The following NHSL2 variants were observed in gnomAD, a reference collection of about 807,000 sequenced individuals.
The protein encoded by NHSL2 is NHS like 2.
A neutral mutation model predicts 53.4 loss-of-function variants in NHSL2; 27 were observed. The ratio of observed to expected loss-of-function variants is 0.51; its 90% CI spans 0.37 to 0.70. The LOEUF is 0.70. Among genes scored for constraint, NHSL2 ranks in the 30% least tolerant of loss-of-function variants. The pLI is 0.00. For synonymous variants in NHSL2, 408 were observed against 404.1 expected, an observed-to-expected ratio of 1.01 and a Z score of -0.12; for missense variants, 892 against 980.1, an observed-to-expected ratio of 0.91 and a Z score of 1.20.
intron 1 of NHSL2, among the ~76,000 whole-genome samples, chrX:72,063,276 G>A (rs2042409327): frequency 8.9e-6 from 1 of 112,350 alleles, no homozygotes. Flanking sequence ...CGTGTTCCTT[G>A]GCCATTAATG....
In NHSL2 at chrX:72,134,159, A is replaced by G; in HGVS notation, c.505A>G (p.Thr169Ala). The G allele has an allele frequency of 8.6e-7, 1 of 1,166,995 alleles. No homozygotes were observed. Among genetic ancestry groups the G allele is most frequent in the Non-Finnish European group, 1.1e-6 (1 of 871,845 alleles). ...GACCTTCCGCTCTTCTGATGAGGCC[A>G]CTAAGCCCACCCCCAACCCAAGGCC... is the stretch of plus-strand genomic sequence containing the variant. The part of the protein sequence containing the change: ...GQTFRSSDEA[T>A]KPTPNPRPQS... The change falls in exon 3 of 8, where the codon ACT (threonine) becomes GCT (alanine). Residue 169 changes from threonine to alanine, a missense_variant. Coordinates refer to ENST00000633930, the MANE Select transcript of NHSL2 (RefSeq NM_001013627.3).
At chrX:72,137,812 A>G (rs1251400883) in intron 5 of NHSL2, among the ~76,000 whole-genome samples, 1 of 112,248 alleles carries the variant, frequency 8.9e-6, no homozygotes, top group African/African-American at 3.2e-5. Flanking sequence ...GGCTATTGTT[A>G]CAAATTCTCA....
chrX:72,139,367 C>T lies in NHSL2; in HGVS notation c.1819C>T (p.His607Tyr). The part of the protein sequence containing the change: ...RPKSLCLSLE[H>Y]QGHHSSHPDA... ...CAAGAGCCTTTGCCTCTCCTTGGAA[C>T]ATCAAGGACATCACTCGTCCCACCC... Residue 607 changes from histidine to tyrosine, a missense_variant, in exon 6 of 8, where the codon CAT (histidine) becomes TAT (tyrosine). Transcript: ENST00000633930. 1 of 1,208,122 alleles carries T rather than the reference C, an allele frequency of 8.3e-7. No individual in the cohort carries two copies. The highest frequency in any genetic ancestry group is 1.1e-6 in the Non-Finnish European group (1 of 892,467).
chrX:71,942,743 A>G (rs1484046320), intron 1 of NHSL2, among the ~76,000 whole-genome samples: 1 of 111,993 alleles, frequency 8.9e-6, no homozygotes, highest in Admixed American at 9.4e-5. Flanking sequence ...CAGATGACTG[A>G]GGTTTGGGAA....
intron 1 of NHSL2, among the ~76,000 whole-genome samples, chrX:72,124,819 C>T (rs1021839160): frequency 8.9e-6 from 1 of 112,106 alleles, no homozygotes; most frequent in African/African-American, 3.3e-5. Context: ...CTTCCTCCAT[C>T]GCTCAGCCCA....
Position 72,140,037 on chromosome X carries a change from C to T in NHSL2, c.2489C>T (p.Ser830Phe). The T allele has an allele frequency of 8.3e-7, 1 of 1,209,948 alleles. No homozygotes were observed. Among genetic ancestry groups the T allele is most frequent in the Non-Finnish European group, 1.1e-6 (1 of 894,363 alleles). Residue 830 changes from serine (S) to phenylalanine (F), a missense_variant, in exon 6 of 8, where the codon TCT (serine) becomes TTT (phenylalanine). Ser to Phe is a radical substitution (Grantham distance 155). Coordinates refer to ENST00000633930, the MANE Select transcript of NHSL2 (RefSeq NM_001013627.3). ...ATGGTTACTCAGTCCGACCTACGTT[C>T]TGTTCGCCTGAGGTCGGTCAGCAAG... Reference protein sequence around the residue: ...MPMVTQSDLRSVRLRSVSKSE... With the variant: ...MPMVTQSDLRFVRLRSVSKSE...
At chrX:71,951,591 C>G (rs2041821297) in intron 1 of NHSL2, among the ~76,000 whole-genome samples, 1 of 112,231 alleles carries the variant, frequency 8.9e-6, no homozygotes, top group African/African-American at 3.2e-5. Context: ...TGTGGTTTTG[C>G]TTTGCATTTC....
At chrX:72,031,346 C>CT (rs775727730) in intron 1 of NHSL2, among the ~76,000 whole-genome samples, 29 of 111,781 alleles carry the variant, frequency 2.6e-4, no homozygotes, top group Admixed American at 4.7e-4. Context: ...GGGCAGGTCA[C>CT]TTAACCTCTC....
chrX:71,912,136 G>A (rs2041607138), intron 1 of NHSL2, among the ~76,000 whole-genome samples: 2 of 112,791 alleles, frequency 1.8e-5, no homozygotes, highest in Non-Finnish European at 3.8e-5. Flanking sequence ...AGCCATGCCT[G>A]AGAAACCAGG....
At chrX:72,071,522 T>C in intron 1 of NHSL2, among the ~76,000 whole-genome samples, 2 of 111,925 alleles carry the variant, frequency 1.8e-5, no homozygotes, top group Non-Finnish European at 3.8e-5. Context: ...GTAGTAGCTA[T>C]GGGAACAGCC....
At position 72,115,613 on chromosome X, in the gene NHSL2, T is replaced by C. The variant is rs2042132764; in HGVS notation, c.281-16466T>C. 3.6e-5 allele frequency among the ~76,000 whole-genome samples: 4 copies of C among 111,189 alleles called. No homozygotes were observed. In the South Asian group the frequency reaches 1.5e-3, roughly 43 times the overall value. ...GGAACTGATTTATCAGGGCTTTTAA[T>C]GGATGGGATTGCATTTAGCTAATTG... On this transcript the variant is annotated intron_variant, in intron 1 of 7. Transcript: ENST00000633930.
At chrX:71,997,671 G>T (rs184743594) in intron 1 of NHSL2, among the ~76,000 whole-genome samples, 1 of 111,747 alleles carries the variant, frequency 8.9e-6, no homozygotes, top group Non-Finnish European at 1.9e-5. Context: ...CTTAGCCTCT[G>T]TGCCTCAGGT....
At chrX:71,938,686 T>C (rs1418807493) in intron 1 of NHSL2, among the ~76,000 whole-genome samples, 1 of 112,949 alleles carries the variant, frequency 8.9e-6, no homozygotes, top group African/African-American at 3.2e-5. Context: ...CAAGTGATAA[T>C]TGAAATTCAC....
intron 1 of NHSL2, among the ~76,000 whole-genome samples, chrX:71,945,615 A>C (rs1384936866): frequency 1.8e-5 from 2 of 112,015 alleles, no homozygotes; most frequent in African/African-American, 6.5e-5. Context: ...TGTTGTTGAT[A>C]TAGAAGATAG....
At chrX:71,972,828 T>C (rs773303239) in intron 1 of NHSL2, among the ~76,000 whole-genome samples, 20 of 108,896 alleles carry the variant, frequency 1.8e-4, no homozygotes, top group Non-Finnish European at 3.8e-4. Flanking sequence ...TTGTTGTTGT[T>C]CTTCAGACTG....
At chrX:71,943,893 A>G (rs559916151) in intron 1 of NHSL2, among the ~76,000 whole-genome samples, 2 of 112,070 alleles carry the variant, frequency 1.8e-5, no homozygotes, top group South Asian at 3.8e-4. Context: ...CTTTCATCCT[A>G]CGCTTGTTGC....
intron 1 of NHSL2, among the ~76,000 whole-genome samples, chrX:71,919,019 C>G (rs1367937097): frequency 8.9e-6 from 1 of 111,947 alleles, no homozygotes; most frequent in Non-Finnish European, 1.9e-5. Context: ...CACACAGACA[C>G]ATACACATAA....
At position 72,120,585 on chromosome X, in the gene NHSL2, G is replaced by A. The variant is rs1198472911; in HGVS notation, c.281-11494G>A. 1.3e-4 allele frequency among the ~76,000 whole-genome samples: 15 copies of A among 112,084 alleles called. No homozygotes were observed. The Admixed American group carries it at 1.4e-3, about 11-fold the overall frequency. On this transcript the variant is annotated intron_variant, in intron 1 of 7. Coordinates refer to ENST00000633930, the MANE Select transcript of NHSL2 (RefSeq NM_001013627.3). ...TTTGTAATTGGGGTCTTCTCTCTTT[G>A]ATTTTTGGTCAATCTAGCTAACCAA...
At chrX:72,125,260 C>T (rs140012734) in intron 1 of NHSL2, among the ~76,000 whole-genome samples, 4 of 111,987 alleles carry the variant, frequency 3.6e-5, no homozygotes, top group Admixed American at 2.8e-4. Flanking sequence ...AGTTTTTTGG[C>T]CCCTCATTCC....
Sources: allele counts gnomAD v4.1 joint callset (sites outside exome capture counted in the v4.1 genomes callset), GRCh38; gene constraint gnomAD v4.1.1; transcripts MANE v1.5; gene names NCBI Gene and HGNC (gene_info 2026-07-23, HGNC 2026-07-21).